The following FRMD4A variants were observed in gnomAD, a reference collection of about 807,000 sequenced individuals.
The protein encoded by FRMD4A is FERM domain containing 4A.
In FRMD4A, 29 loss-of-function variants were observed where a neutral mutation model predicts 129.1. The ratio of observed to expected loss-of-function variants is 0.22; its 90% CI spans 0.17 to 0.31. The LOEUF (loss-of-function observed/expected upper bound fraction) is 0.31, where lower values mean the gene tolerates loss of function less well. Ranked by LOEUF, FRMD4A falls within the 10% of genes least tolerant of loss-of-function variation. The probability of loss-of-function intolerance (pLI) is 1.00; values close to 1 mark genes in which losing one functional copy is unlikely to be tolerated. For synonymous variants in FRMD4A, 634 were observed against 571.6 expected (o/e 1.11, Z -1.56); for missense variants, 1,272 against 1,375.8 (o/e 0.92, Z 1.19).
At chr10:13,797,385 C>A (rs1205932098) in intron 4 of FRMD4A, among the ~76,000 whole-genome samples, 1 of 152,196 alleles carries the variant, frequency 6.6e-6, no homozygotes, top group Non-Finnish European at 1.5e-5. Flanking sequence ...TTAATCCCAG[C>A]ACTTTGGAAG....
At chr10:13,800,893 C>T (rs763515219) in intron 4 of FRMD4A, among the ~76,000 whole-genome samples, 6 of 152,206 alleles carry the variant, frequency 3.9e-5, no homozygotes, top group Non-Finnish European at 7.3e-5. Context: ...CTGGCAATTC[C>T]TTTGTTCCCG....
chr10:13,854,651 C>T (rs1421226063), intron 3 of FRMD4A, among the ~76,000 whole-genome samples: 10 of 149,364 alleles, frequency 6.7e-5, no homozygotes, highest in Non-Finnish European at 1.5e-4. Flanking sequence ...AGGCTGGTCT[C>T]GAACTCCTGA....
chr10:13,995,943 A>G (rs2095621086), intron 2 of FRMD4A, among the ~76,000 whole-genome samples: 1 of 151,782 alleles, frequency 6.6e-6, no homozygotes, highest in Admixed American at 6.6e-5. Flanking sequence ...ATGGCATCTT[A>G]GCCTCTCCAT....
intron 2 of FRMD4A, among the ~76,000 whole-genome samples, chr10:13,982,098 C>G (rs2095563663): frequency 6.6e-6 from 1 of 152,168 alleles, no homozygotes; most frequent in Non-Finnish European, 1.5e-5. Context: ...TTTCTGGAAA[C>G]CAGAACCCTT....
chr10:13,854,397 C>T (rs1399612143), intron 3 of FRMD4A, among the ~76,000 whole-genome samples: 3 of 152,042 alleles, frequency 2.0e-5, no homozygotes, highest in Non-Finnish European at 4.4e-5. Context: ...GAGGGTGGCT[C>T]CTCTCATTTT....
chr10:13,884,134 T>TCACACACA (rs1221469854), intron 2 of FRMD4A, among the ~76,000 whole-genome samples: 1 of 35,698 alleles, frequency 2.8e-5, no homozygotes, highest in African/African-American at 8.7e-5. Flanking sequence ...ACACACACGC[T>TCACACACA]CACACACACT....
chr10:13,971,125 C>T (rs996014734), intron 2 of FRMD4A, among the ~76,000 whole-genome samples: 9 of 152,174 alleles, frequency 5.9e-5, no homozygotes, highest in African/African-American at 9.7e-5. Context: ...CATGCACACA[C>T]GCACGCACGC....
chr10:14,093,645 C>G (rs371504773), intron 2 of FRMD4A, among the ~76,000 whole-genome samples: 6 of 152,136 alleles, frequency 3.9e-5, no homozygotes, highest in African/African-American at 1.4e-4. Context: ...GGACAATAAA[C>G]AAATGTCTTT....
intron 2 of FRMD4A, among the ~76,000 whole-genome samples, chr10:14,024,878 A>G (rs1565193167): frequency 6.6e-6 from 1 of 152,242 alleles, no homozygotes; most frequent in African/African-American, 2.4e-5. Context: ...CCCATTTCTC[A>G]GTTGATTTCT....
At chr10:14,112,630 A>T (rs1837973635) in intron 2 of FRMD4A, among the ~76,000 whole-genome samples, 1 of 152,066 alleles carries the variant, frequency 6.6e-6, no homozygotes, top group South Asian at 2.1e-4. Context: ...GGTTCAAGTG[A>T]TTCTCCTGCC....
At chr10:14,129,620 G>A (rs772612788) in intron 2 of FRMD4A, among the ~76,000 whole-genome samples, 1 of 151,834 alleles carries the variant, frequency 6.6e-6, no homozygotes, top group Admixed American at 6.6e-5. Context: ...CCATCACTCT[G>A]GGAACAAAGG....
rs148625001 is a variant in FRMD4A, at chr10:13,815,562, T to C, written c.112-4654A>G. 2.3e-3 allele frequency among the ~76,000 whole-genome samples: 344 copies of C among 152,266 alleles called. 2 individuals are homozygous for C. The highest frequency in any genetic ancestry group is 8.0e-3 in the African/African-American group (331 of 41,550). On this transcript the variant is annotated intron_variant, in intron 3 of 24. Transcript: ENST00000357447. ...AAAATGGTGTTTGATGTTACATGTA[T>C]TTTGACACAATTAAAAAAAAAGGAA...
intron 4 of FRMD4A, among the ~76,000 whole-genome samples, chr10:13,802,734 A>G (rs2093280821): frequency 6.6e-6 from 1 of 152,116 alleles, no homozygotes; most frequent in South Asian, 2.1e-4. Flanking sequence ...TCAGCCTTCC[A>G]AAGTGCTGGG....
chr10:14,068,212 G>C (rs977733339), intron 2 of FRMD4A, among the ~76,000 whole-genome samples: 11 of 152,180 alleles, frequency 7.2e-5, no homozygotes, highest in Admixed American at 7.2e-4. Flanking sequence ...GGCTGGGGGC[G>C]CAGGGGTTGG....
At chr10:14,011,319 G>C (rs2095681469) in intron 2 of FRMD4A, among the ~76,000 whole-genome samples, 2 of 152,316 alleles carry the variant, frequency 1.3e-5, no homozygotes, top group Admixed American at 1.3e-4. Flanking sequence ...TTGGGCACAG[G>C]GGACGGAGGG....
chr10:13,893,549 G>T (rs1406687011), intron 2 of FRMD4A, among the ~76,000 whole-genome samples: 1 of 152,002 alleles, frequency 6.6e-6, no homozygotes, highest in Non-Finnish European at 1.5e-5. Context: ...TTGAGACAGA[G>T]TCTGTCTCTG....
chr10:14,145,101 A>C (rs1158398514), intron 2 of FRMD4A, among the ~76,000 whole-genome samples: 1 of 152,174 alleles, frequency 6.6e-6, no homozygotes, highest in Non-Finnish European at 1.5e-5. Flanking sequence ...GCTTACATAG[A>C]AACAGAATGG....
chr10:14,286,025 A>G (rs1845670281), intron 2 of FRMD4A, among the ~76,000 whole-genome samples: 1 of 152,222 alleles, frequency 6.6e-6, no homozygotes, highest in Non-Finnish European at 1.5e-5. Context: ...AAGATATCAC[A>G]GCAGTGCAAC....
chr10:13,659,580 G>A, intron 20 of FRMD4A, 90 bp from the exon 21 acceptor site: 1 of 1,333,448 alleles, frequency 7.5e-7, no homozygotes, highest in Non-Finnish European at 1.0e-6. Context: ...ATCCCAGCAT[G>A]TGGGGAAAGC....
Sources: gnomAD v4.1 joint callset for allele counts (sites outside exome capture counted in the v4.1 genomes callset) on GRCh38, gnomAD v4.1.1 for gene constraint, MANE v1.5 for transcripts, NCBI Gene and HGNC (gene_info 2026-07-23, HGNC 2026-07-21) for gene names.